The following JCAD variants were observed in gnomAD, a reference collection of about 807,000 sequenced individuals.
JCAD encodes the protein junctional cadherin 5 associated.
A neutral mutation model predicts 98.0 loss-of-function variants in JCAD; 40 were observed. That is an observed-to-expected ratio of 0.41 (90% CI 0.32 to 0.53). The LOEUF (loss-of-function observed/expected upper bound fraction) is 0.53. JCAD is among the 20% of genes least tolerant of loss of function. The pLI, the probability that JCAD is intolerant of heterozygous loss-of-function variation, is 0.31. For missense variants in JCAD, 1,705 were observed against 1,738.1 expected (o/e 0.98, Z 0.34); for synonymous variants, 691 against 682.3 (o/e 1.01, Z -0.20).
rs34060997 is a variant in JCAD, at chr10:30,068,390, C to CAAAAAAA, written n.250+1303_250+1309dup. 1.3e-3 allele frequency among the ~76,000 whole-genome samples: 62 copies of CAAAAAAA among 48,188 alleles called. 1 individual carries two copies. The highest frequency in any genetic ancestry group is 4.5e-3 in the African/African-American group (55 of 12,272). 31.6% of individuals were successfully genotyped at this position (48,188 alleles called of 152,430 possible). ...TGGGTGAAAGAGCAAAACTCTGTCT[C>CAAAAAAA]AAAAAAAAAAAAAAAAAAAAAAAAA... On this transcript the variant is annotated intron_variant and non_coding_transcript_variant, in intron 2 of 2. Transcript: ENST00000465712.
At chr10:30,079,346 CAAAAA>C (rs373809311) in intron 1 of JCAD, among the ~76,000 whole-genome samples, 2 of 64,674 alleles carry the variant, frequency 3.1e-5, no homozygotes, top group African/African-American at 5.5e-5. Flanking sequence ...GACTCCATCT[CAAAAA>C]AAAAAAAAAA....
chr10:30,085,266 A>G (rs191980216), intron 1 of JCAD, among the ~76,000 whole-genome samples: 160 of 152,250 alleles, frequency 1.1e-3, no homozygotes, highest in African/African-American at 3.7e-3. Flanking sequence ...GGCTTACGTA[A>G]AATGATTTTG....
Position 30,026,980 on chromosome 10 carries a change from C to G in JCAD, c.3168G>C (p.Gly1056=). 1.9e-6 allele frequency: 3 copies of G among 1,614,204 alleles called. No homozygotes were observed. The highest frequency in any genetic ancestry group is 2.5e-6 in the Non-Finnish European group (3 of 1,180,032). The change falls in exon 3 of 4, where the codon GGG becomes GGC. Residue 1056 remains glycine (G), a synonymous_variant. Coordinates refer to ENST00000375377, the MANE Select transcript of JCAD (RefSeq NM_020848.4). ...CTAGCTCACTGGCACCCTGTTCTTG[C>G]CCAGGGGTGAGCCCCACAGACCGTA... ...PDLRSVGLTP[G]QEQGASELEG...
chr10:30,021,954 C>T (rs1048169342), intron 3 of JCAD, among the ~76,000 whole-genome samples: 4 of 152,184 alleles, frequency 2.6e-5, no homozygotes, highest in Non-Finnish European at 5.9e-5. Flanking sequence ...CCCCGATTTC[C>T]CTCATTTTGG....
intron 1 of JCAD, 100 bp from the exon 2 acceptor site, chr10:30,047,971 G>A (rs1032211752): frequency 1.1e-5 from 7 of 651,686 alleles, no homozygotes; most frequent in African/African-American, 3.6e-5. Context: ...AGACCATGGC[G>A]ATGGACACAG....
At chr10:30,061,866 G>A (rs190716112), upstream of JCAD, among the ~76,000 whole-genome samples, 18 of 152,162 alleles carry the variant, frequency 1.2e-4, no homozygotes, top group African/African-American at 4.3e-4. Flanking sequence ...CCAACTCAAT[G>A]AAATAACTTT....
intron 3 of JCAD, among the ~76,000 whole-genome samples, chr10:30,024,343 T>A (rs1836735313): frequency 6.6e-6 from 1 of 152,186 alleles, no homozygotes; most frequent in Admixed American, 6.5e-5. Context: ...GAAGAAAACT[T>A]GCTTTAGAAG....
At chr10:30,066,643 T>C (rs1837789391) in intron 2 of JCAD, among the ~76,000 whole-genome samples, 1 of 152,206 alleles carries the variant, frequency 6.6e-6, no homozygotes, top group South Asian at 2.1e-4. Context: ...TGGGCACCCC[T>C]TGGGCTGCCT....
chr10:30,088,040 T>G (rs1831435530), intron 1 of JCAD, among the ~76,000 whole-genome samples: 1 of 152,194 alleles, frequency 6.6e-6, no homozygotes. Context: ...AGGGTTTCAC[T>G]GTGTTGGCTA....
chr10:30,037,261 A>G (rs550662122), intron 2 of JCAD, among the ~76,000 whole-genome samples: 2 of 152,188 alleles, frequency 1.3e-5, no homozygotes, highest in East Asian at 1.9e-4. Context: ...TCTATTCAGT[A>G]TACCACCCCG....
At chr10:30,054,293 T>C (rs1471424751) in intron 1 of JCAD, among the ~76,000 whole-genome samples, 3 of 152,206 alleles carry the variant, frequency 2.0e-5, no homozygotes, top group East Asian at 1.9e-4. Flanking sequence ...GCAGAGGTGA[T>C]GGACTCTGAG....
Position 30,017,794 on chromosome 10 carries a change from A to ACT in JCAD, c.*88_*89insAG. 1 of 1,210,348 alleles carries ACT rather than the reference A, an allele frequency of 8.3e-7. No homozygotes were observed. The highest frequency in any genetic ancestry group is 1.2e-6 in the Non-Finnish European group (1 of 815,176). 75.0% of individuals were successfully genotyped at this position (1,210,348 alleles called of 1,614,324 possible). Reference sequence around the variant, plus strand: ...AAAAACTCAGCAGCTTCCAGCTTCTACATGGGGAAGTGGGGCTGATAGACT... The same window carrying ACT: ...AAAAACTCAGCAGCTTCCAGCTTCTACTCATGGGGAAGTGGGGCTGATAGACT... On this transcript the variant is annotated 3_prime_UTR_variant, in exon 4 of 4. Coordinates refer to ENST00000375377, the MANE Select transcript of JCAD (RefSeq NM_020848.4).
chr10:30,100,982 A>C (rs1838462767), intron 1 of JCAD, among the ~76,000 whole-genome samples: 1 of 152,242 alleles, frequency 6.6e-6, no homozygotes, highest in Admixed American at 6.5e-5. Context: ...TGGTTGAAAG[A>C]GTTATTATCA....
intron 1 of JCAD, among the ~76,000 whole-genome samples, chr10:30,070,904 G>T (rs142485479): frequency 0.014 from 2,124 of 152,182 alleles, 54 homozygotes; most frequent in African/African-American, 0.047. Context: ...TGTTGTTGTT[G>T]TTGTTTGTTT....
Position 30,017,083 on chromosome 10 carries a change from T to C in JCAD, c.*800A>G, listed in dbSNP as rs1159630614. 6.6e-6 allele frequency: 1 copy of C among 152,166 alleles called. No individual in the cohort carries two copies. Among genetic ancestry groups the C allele is most frequent in the African/African-American group, 2.4e-5 (1 of 41,432 alleles). 9.4% of individuals were successfully genotyped at this position (152,166 alleles called of 1,614,324 possible). A position where few individuals can be genotyped will look rare whatever the true frequency, so the allele number is the denominator to read the frequency against. Reference sequence around the variant, plus strand: ...AAAATAGCATTTTCGTAAAAAGAAATATAGTCACTTTGTTAAAATGGTCTA... The same window carrying C: ...AAAATAGCATTTTCGTAAAAAGAAACATAGTCACTTTGTTAAAATGGTCTA... On this transcript the variant is annotated 3_prime_UTR_variant, in exon 4 of 4. Transcript: ENST00000375377.
rs781765544 is a variant in JCAD, at chr10:30,028,907, A to T, written c.1241T>A (p.Val414Asp). 6.2e-6 allele frequency: 10 copies of T among 1,614,036 alleles called. No individual in the cohort carries two copies. The highest frequency in any genetic ancestry group is 7.6e-6 in the Non-Finnish European group (9 of 1,180,040). ...CTGAACGAAGCCGTCATAGGCAGTG[A>T]CAGGTCGGGGATGTGCGGGGAGCCC... is the stretch of plus-strand genomic sequence containing the variant. The part of the protein sequence containing the change: ...PQGLPAHPRP[V>D]TAYDGFVQYI... Residue 414 changes from valine to aspartate, a missense_variant, in exon 3 of 4, where the codon GTC (valine) becomes GAC (aspartate). Val to Asp is a radical substitution (Grantham distance 152, BLOSUM62 -3). Coordinates refer to ENST00000375377, the MANE Select transcript of JCAD (RefSeq NM_020848.4).
At chr10:30,083,683 G>T (rs1001903040) in intron 1 of JCAD, among the ~76,000 whole-genome samples, 1 of 152,176 alleles carries the variant, frequency 6.6e-6, no homozygotes, top group Non-Finnish European at 1.5e-5. Context: ...CTGTCCATCA[G>T]CACTAGCGTA....
Position 30,027,161 on chromosome 10 carries a change from G to C in JCAD, c.2987C>G (p.Pro996Arg), listed in dbSNP as rs756443527. The change falls in exon 3 of 4, where the codon CCT becomes CGT. Residue 996 changes from proline (P) to arginine (R), a missense_variant. Pro to Arg is a moderately radical substitution (Grantham distance 103). This residue lies in a region of JCAD where 1,278 missense variants were observed against 1,243.1 expected (regional missense o/e 1.03). Coordinates refer to ENST00000375377, the MANE Select transcript of JCAD (RefSeq NM_020848.4). ...TTTCGGACTTTCCTGGGGCTCCCTA[G>C]GTTCAGCTGGATAGGACGCGGGCAG... is the stretch of plus-strand genomic sequence containing the variant. ...KPLPASYPAE[P>R]REPQESPKIT... is the part of the protein sequence containing the mutation. The C allele has an allele frequency of 5.0e-6, 8 of 1,614,000 alleles. No homozygotes were observed. Among genetic ancestry groups the C allele is most frequent in the Admixed American group, 1.7e-5 (1 of 60,010 alleles).
At position 30,017,932 on chromosome 10, in the gene JCAD, A is replaced by G; in HGVS notation, c.4046-15T>C. ...GTCATAGGAATCTGTAAAATAAGAA[A>G]AGAAAAGAAAATTAGTGTTATATTC... On this transcript the variant is annotated splice_polypyrimidine_tract_variant and intron_variant, in intron 3 of 3. Transcript: ENST00000375377. 1.2e-6 allele frequency: 2 copies of G among 1,605,008 alleles called. No homozygotes were observed. Among genetic ancestry groups the G allele is most frequent in the Non-Finnish European group, 8.5e-7 (1 of 1,173,462 alleles).
Sources: gnomAD v4.1 joint callset for allele counts (sites outside exome capture counted in the v4.1 genomes callset) on GRCh38, gnomAD v4.1.1 for gene constraint, gnomAD v4.1.1 regional missense constraint, MANE v1.5 for transcripts, NCBI Gene and HGNC (gene_info 2026-07-23, HGNC 2026-07-21) for gene names.